The following HBS1L variants were observed in gnomAD, a reference collection of about 807,000 sequenced individuals.
The protein encoded by HBS1L is HBS1 like translational GTPase, also known as HBS1-like protein.
Under a neutral mutation model 88.9 loss-of-function variants are expected in HBS1L, and 55 were observed. The observed-to-expected ratio is 0.62, with a 90% CI of 0.50 to 0.77. The LOEUF is 0.77. HBS1L is among the 30% of genes least tolerant of loss of function. The pLI is 0.00. For synonymous variants in HBS1L, 267 were observed against 288.5 expected (o/e 0.93, Z 0.76); for missense variants, 741 against 829.3 (o/e 0.89, Z 1.31).
At position 134,962,519 on chromosome 6, in the gene HBS1L, G is replaced by C. The variant is rs1774209967; in HGVS notation, c.*2760C>G. 1.3e-5 allele frequency: 2 copies of C among 152,190 alleles called. No individual in the cohort carries two copies. The highest frequency in any genetic ancestry group is 4.8e-5 in the African/African-American group (2 of 41,454). 9.4% of individuals were successfully genotyped at this position (152,190 alleles called of 1,614,324 possible). A position where few individuals can be genotyped will look rare whatever the true frequency, so the allele number is the denominator to read the frequency against. On this transcript the variant is annotated 3_prime_UTR_variant, in exon 18 of 18. Transcript: ENST00000367837. Reference sequence around the variant, plus strand: ...TTTGCATACTCATGGGAGAAAAACAGCTATGCCTAGAAACTGGCCTCTAAA... The same window carrying C: ...TTTGCATACTCATGGGAGAAAAACACCTATGCCTAGAAACTGGCCTCTAAA...
intron 4 of HBS1L, among the ~76,000 whole-genome samples, chr6:135,020,741 C>T (rs1776049521): frequency 6.6e-6 from 1 of 151,898 alleles, no homozygotes; most frequent in South Asian, 2.1e-4. Context: ...AGCAATTCCA[C>T]TCTAAAATCA....
chr6:135,009,315 CTTG>C (rs1442253409), intron 4 of HBS1L, among the ~76,000 whole-genome samples: 3 of 152,010 alleles, frequency 2.0e-5, no homozygotes, highest in African/African-American at 7.2e-5. Context: ...AGTTATAAAA[CTTG>C]TTGAGCTGAG....
intron 4 of HBS1L, among the ~76,000 whole-genome samples, chr6:135,024,050 A>G (rs997597907): frequency 1.6e-4 from 25 of 152,184 alleles, no homozygotes; most frequent in African/African-American, 5.8e-4. Flanking sequence ...CTCGCTCCAC[A>G]TAATAATATC....
At chr6:134,965,353 C>G in intron 17 of HBS1L, 63 bp from the exon 18 acceptor site, 10 of 1,143,160 alleles carry the variant, frequency 8.7e-6, no homozygotes, top group Non-Finnish European at 1.3e-5. Context: ...ATAAGAACAA[C>G]AAAGGGAAAA....
intron 15 of HBS1L, among the ~76,000 whole-genome samples, chr6:134,972,576 C>A (rs1318370542): frequency 6.6e-6 from 1 of 151,850 alleles, no homozygotes; most frequent in African/African-American, 2.4e-5. Context: ...ACATAGGCAA[C>A]AAAGGAAAAA....
intron 1 of HBS1L, among the ~76,000 whole-genome samples, chr6:135,052,928 A>G (rs1475062885): frequency 6.6e-6 from 1 of 152,236 alleles, no homozygotes; most frequent in Non-Finnish European, 1.5e-5. Flanking sequence ...TATATTTCTT[A>G]ACAGAATTTT....
intron 4 of HBS1L, among the ~76,000 whole-genome samples, chr6:135,024,549 G>GTT (rs34343700): frequency 7.0e-6 from 1 of 143,644 alleles, no homozygotes. Context: ...TCTTGGGGGT[G>GTT]TTTTTTTTTT....
At chr6:135,026,876 C>CAA (rs5880242) in intron 4 of HBS1L, 97 of 144,974 alleles carry the variant, frequency 6.7e-4, no homozygotes, top group South Asian at 1.1e-3. Context: ...ATTGCCAATC[C>CAA]AAAAAAAAAA....
At chr6:134,970,993 T>C (rs1774465873) in intron 15 of HBS1L, among the ~76,000 whole-genome samples, 1 of 152,066 alleles carries the variant, frequency 6.6e-6, no homozygotes. Context: ...GCACTTCTAC[T>C]CTGGAATTTC....
intron 6 of HBS1L, 126 bp from the exon 7 acceptor site, chr6:134,997,068 G>A: frequency 2.7e-6 from 2 of 740,966 alleles, no homozygotes; most frequent in Non-Finnish European, 4.4e-6. Context: ...TTTATCAAAT[G>A]ACAGTTAAAA....
At chr6:134,975,340 A>T (rs951938732) in intron 15 of HBS1L, among the ~76,000 whole-genome samples, 1 of 152,310 alleles carries the variant, frequency 6.6e-6, no homozygotes, top group African/African-American at 2.4e-5. Context: ...ACATTGCCCA[A>T]TCTACAGATT....
intron 5 of HBS1L, chr6:135,002,510 A>G (rs1212630793): frequency 3.3e-6 from 1 of 307,100 alleles, no homozygotes; most frequent in African/African-American, 2.1e-5. Flanking sequence ...TTATGTAAGA[A>G]AACTGGCAGT....
At chr6:135,023,305 G>A (rs1036694170) in intron 4 of HBS1L, among the ~76,000 whole-genome samples, 1 of 152,044 alleles carries the variant, frequency 6.6e-6, no homozygotes, top group East Asian at 1.9e-4. Context: ...TTAGCCGGGC[G>A]TGATGGCGGG....
chr6:135,010,342 A>G (rs1343996336), intron 4 of HBS1L, among the ~76,000 whole-genome samples: 1 of 152,200 alleles, frequency 6.6e-6, no homozygotes, highest in Non-Finnish European at 1.5e-5. Flanking sequence ...ACATAAAAGC[A>G]TTTAAGAAAT....
rs1156628621 is a variant in HBS1L at position 134,970,522 on chromosome 6, A to G, written c.1798-1184T>C. Among the ~76,000 whole-genome samples the G allele has an allele frequency of 3.9e-5, 6 of 152,230 alleles. No individual in the cohort carries two copies. In the East Asian group the frequency reaches 9.6e-4, roughly 24 times the overall value. ...AATGAGGAAAATCAGATGTTATTTT[A>G]AAGTGGTGCCTGGCACATGGCAAGC... On this transcript the variant is annotated intron_variant, in intron 15 of 17. Transcript: ENST00000367837.
At chr6:135,047,726 ATTTT>A (rs892628472) in intron 2 of HBS1L, among the ~76,000 whole-genome samples, 1 of 152,160 alleles carries the variant, frequency 6.6e-6, no homozygotes, top group African/African-American at 2.4e-5. Context: ...TGTATTAGAG[ATTTT>A]TTTAACTCAA....
intron 16 of HBS1L, among the ~76,000 whole-genome samples, chr6:134,968,175 G>A (rs1774371256): frequency 6.6e-6 from 1 of 152,124 alleles, no homozygotes; most frequent in Admixed American, 6.5e-5. Context: ...GAAGTTGGAA[G>A]GAAAACCCCA....
intron 2 of HBS1L, among the ~76,000 whole-genome samples, chr6:135,048,327 C>G (rs1340702729): frequency 1.3e-5 from 2 of 152,174 alleles, no homozygotes; most frequent in African/African-American, 4.8e-5. Flanking sequence ...CCTCTTCACT[C>G]CCCAGACAAC....
Position 134,996,776 on chromosome 6 carries a change from C to G in HBS1L, c.965+1G>C. 6.3e-7 allele frequency: 1 copy of G among 1,588,192 alleles called. No homozygotes were observed. The highest frequency in any genetic ancestry group is 8.5e-7 in the Non-Finnish European group (1 of 1,170,244). ...TGAAAATTTTGAAATATAGTGACTA[C>G]CTTTCCCTTTCTTCGCCAGTTTCAT... On this transcript the variant is annotated splice_donor_variant, in intron 7 of 17. Transcript: ENST00000367837. LOFTEE classifies it high-confidence loss of function.
Sources: gnomAD v4.1 joint callset for allele counts (sites outside exome capture counted in the v4.1 genomes callset) on GRCh38, gnomAD v4.1.1 for gene constraint, MANE v1.5 for transcripts, NCBI Gene and HGNC (gene_info 2026-07-23, HGNC 2026-07-21) for gene names.